Variants in GLT8D2 observed in about 807,000 individuals in gnomAD.
GLT8D2 encodes glycosyltransferase 8 domain containing 2, also known as glycosyltransferase 8 domain-containing protein 2.
A neutral mutation model predicts 44.5 loss-of-function variants in GLT8D2; 45 were observed. The observed-to-expected ratio is 1.01, with a 90% confidence interval of 0.80 to 1.30. The LOEUF (loss-of-function observed/expected upper bound fraction) is 1.30. Among genes scored for constraint, GLT8D2 ranks in the 50% most tolerant of loss-of-function variants. The pLI is 0.00. For synonymous variants in GLT8D2, 156 were observed against 157.2 expected (o/e 0.99, Z 0.06); for missense variants, 400 against 430.4 (o/e 0.93, Z 0.62).
intron 1 of GLT8D2, among the ~76,000 whole-genome samples, chr12:104,060,877 C>T (rs567607552): frequency 4.0e-5 from 6 of 151,816 alleles, no homozygotes; most frequent in East Asian, 1.9e-4. Flanking sequence ...AAGCTGAGAT[C>T]GCACCATTGC....
chr12:104,018,666 G>A (rs1310867255), intron 3 of GLT8D2, among the ~76,000 whole-genome samples: 5 of 152,168 alleles, frequency 3.3e-5, no homozygotes, highest in African/African-American at 9.7e-5. Context: ...TTGAGGTCAG[G>A]AGTTCAAGAC....
intron 4 of GLT8D2, among the ~76,000 whole-genome samples, chr12:104,012,146 G>A (rs1243500200): frequency 7.3e-6 from 1 of 136,728 alleles, no homozygotes; most frequent in African/African-American, 2.8e-5. Flanking sequence ...CTCCAGCCTG[G>A]GCAACAAGAG....
At chr12:104,003,423 G>A in intron 4 of GLT8D2, 117 bp from the exon 5 acceptor site, 1 of 861,088 alleles carries the variant, frequency 1.2e-6, no homozygotes, top group East Asian at 2.5e-5. Context: ...ACTGCTGATT[G>A]TTCTCCAATA....
At chr12:104,005,768 C>A (rs536010008) in intron 4 of GLT8D2, among the ~76,000 whole-genome samples, 150 of 152,298 alleles carry the variant, frequency 9.8e-4, no homozygotes, top group Non-Finnish European at 1.6e-3. Context: ...AATAGGAACA[C>A]TTTTACACTG....
At chr12:104,007,470 A>G (rs1278861603) in intron 4 of GLT8D2, among the ~76,000 whole-genome samples, 1 of 152,118 alleles carries the variant, frequency 6.6e-6, no homozygotes, top group Non-Finnish European at 1.5e-5. Flanking sequence ...TGTCTTTTCT[A>G]CCAGCTTGCT....
upstream of GLT8D2, among the ~76,000 whole-genome samples, chr12:104,053,014 A>C (rs1384258411): frequency 6.6e-6 from 1 of 152,162 alleles, no homozygotes; most frequent in Non-Finnish European, 1.5e-5. Flanking sequence ...CTATGCTCTA[A>C]ATACTCACTG....
At chr12:104,006,071 A>G (rs561369998) in intron 4 of GLT8D2, among the ~76,000 whole-genome samples, 1 of 152,188 alleles carries the variant, frequency 6.6e-6, no homozygotes, top group African/African-American at 2.4e-5. Flanking sequence ...GGATGAGTTC[A>G]TGTCCTTTGT....
chr12:104,048,148 A>G (rs1367451271), intron 1 of GLT8D2, among the ~76,000 whole-genome samples: 1 of 152,212 alleles, frequency 6.6e-6, no homozygotes. Context: ...AAAACAAGGC[A>G]TCCCCTTGGA....
chr12:104,058,231 G>A (rs1185762594), intron 1 of GLT8D2, among the ~76,000 whole-genome samples: 1 of 152,196 alleles, frequency 6.6e-6, no homozygotes, highest in Non-Finnish European at 1.5e-5. Context: ...GGTTGTCTAT[G>A]CCTTGATCTC....
intron 2 of GLT8D2, among the ~76,000 whole-genome samples, chr12:104,020,645 C>A (rs574071598): frequency 6.6e-6 from 1 of 152,006 alleles, no homozygotes; most frequent in Non-Finnish European, 1.5e-5. Flanking sequence ...GGGATAAAGA[C>A]GAACAAGGGT....
At chr12:103,990,999 T>C (rs983505267) in intron 10 of GLT8D2, among the ~76,000 whole-genome samples, 4 of 152,240 alleles carry the variant, frequency 2.6e-5, no homozygotes, top group Non-Finnish European at 5.9e-5. Context: ...ATTAGTGTTA[T>C]GTTGCCCTTC....
intron 1 of GLT8D2, among the ~76,000 whole-genome samples, chr12:104,038,533 C>A (rs1880175658): frequency 6.6e-6 from 1 of 152,126 alleles, no homozygotes. Flanking sequence ...CATGAGTGAA[C>A]TCCCATTCAC....
At chr12:103,998,240 T>G (rs1873733215) in intron 6 of GLT8D2, among the ~76,000 whole-genome samples, 1 of 151,662 alleles carries the variant, frequency 6.6e-6, no homozygotes, top group Non-Finnish European at 1.5e-5. Flanking sequence ...TCTTTTTTTT[T>G]TTTTTCTTTT....
intron 6 of GLT8D2, among the ~76,000 whole-genome samples, chr12:103,999,039 G>A (rs771369908): frequency 1.3e-4 from 20 of 152,142 alleles, no homozygotes; most frequent in African/African-American, 3.1e-4. Flanking sequence ...CAGCTTTAAC[G>A]TACAATCACA....
chr12:104,026,212 G>A (rs1161515998), intron 1 of GLT8D2, among the ~76,000 whole-genome samples: 6 of 151,488 alleles, frequency 4.0e-5, no homozygotes, highest in African/African-American at 1.5e-4. Flanking sequence ...CTGCGAGAAG[G>A]GGGTTGCAGT....
chr12:104,037,822 G>A (rs1880075776), intron 1 of GLT8D2, among the ~76,000 whole-genome samples: 2 of 152,170 alleles, frequency 1.3e-5, no homozygotes, highest in Non-Finnish European at 2.9e-5. Flanking sequence ...TGATACCAAA[G>A]TCTGGCAGAG....
chr12:104,054,375 G>A (rs1467174700), upstream of GLT8D2, among the ~76,000 whole-genome samples: 3 of 151,890 alleles, frequency 2.0e-5, no homozygotes, highest in African/African-American at 4.8e-5. Context: ...ATATTCTATT[G>A]CATATATGTA....
chr12:104,017,214 A>G (rs1288427633), intron 3 of GLT8D2, among the ~76,000 whole-genome samples: 2 of 152,144 alleles, frequency 1.3e-5, no homozygotes, highest in East Asian at 3.8e-4. Flanking sequence ...TATGTGTTTA[A>G]AGCTACCTTT....
intron 4 of GLT8D2, among the ~76,000 whole-genome samples, chr12:104,008,707 G>A (rs11111869): frequency 0.14 from 20,884 of 152,280 alleles, 1,804 homozygotes; most frequent in South Asian, 0.24. Context: ...TCACAGGCCC[G>A]GAGGCCTAGG....
Sources: allele counts gnomAD v4.1 joint callset (sites outside exome capture counted in the v4.1 genomes callset), GRCh38; gene constraint gnomAD v4.1.1; transcripts MANE v1.5; gene names NCBI Gene and HGNC (gene_info 2026-07-23, HGNC 2026-07-21).